TRIO: variants seen among roughly 807,000 people sequenced by gnomAD.
TRIO encodes the protein trio Rho guanine nucleotide exchange factor.
A neutral mutation model predicts 351.9 loss-of-function variants in TRIO; 58 were observed. The observed-to-expected ratio is 0.16, with a 90% CI of 0.13 to 0.21. The LOEUF (loss-of-function observed/expected upper bound fraction) is 0.21. Ranked by LOEUF, TRIO falls within the 10% of genes least tolerant of loss-of-function variation. TRIO has a pLI of 1.00. For missense variants in TRIO, 3,201 were observed against 4,027.8 expected (o/e 0.79, Z 5.56); for synonymous variants, 1,758 against 1,595.7 (o/e 1.10, Z -2.42).
At chr5:14,250,782 G>T (rs1464292539) in intron 1 of TRIO, among the ~76,000 whole-genome samples, 2 of 152,166 alleles carry the variant, frequency 1.3e-5, no homozygotes, top group African/African-American at 4.8e-5. Flanking sequence ...ATTGCATCCT[G>T]TTTGATTGAG....
At chr5:14,501,089 A>G (rs567180557) in intron 53 of TRIO, among the ~76,000 whole-genome samples, 2 of 151,812 alleles carry the variant, frequency 1.3e-5, no homozygotes, top group Non-Finnish European at 2.9e-5. Flanking sequence ...GAAAAAAAAA[A>G]CACCAAGCCC....
At chr5:14,183,984 A>G in intron 1 of TRIO, 1 of 697,962 alleles carries the variant, frequency 1.4e-6, no homozygotes, top group Non-Finnish European at 2.6e-6. Context: ...CAGACTTTAA[A>G]AAATACAGTT....
chr5:14,504,338 C>T, intron 54 of TRIO, 55 bp from the exon 55 acceptor site: 1 of 1,587,862 alleles, frequency 6.3e-7, no homozygotes, highest in Non-Finnish European at 8.6e-7. Flanking sequence ...CAGAGTCTTT[C>T]TCGGTGCCAG....
Position 14,406,576 on chromosome 5 carries a change from T to A in TRIO, c.4863T>A (p.Asp1621Glu). The stretch of plus-strand genomic sequence containing the variant: ...AAAAGTTTCTTTGCACCGCCAGGGA[T>A]GGAGAGGATCTGGACAGCCAAGGAG... ...APATRQKGRRDGEDLDSQGDG... is the reference protein window; with the variant it reads ...APATRQKGRREGEDLDSQGDG... The change falls in exon 33 of 57, where the codon GAT (aspartate) becomes GAA (glutamate). Residue 1621 changes from aspartate (D) to glutamate (E), a missense_variant. Physicochemically the swap from Asp to Glu is conservative, Grantham distance 45. Transcript: ENST00000344204. 6.2e-7 allele frequency: 1 copy of A among 1,613,908 alleles called. No individual in the cohort carries two copies.
chr5:14,315,945 T>A (rs1263036506), intron 8 of TRIO, among the ~76,000 whole-genome samples: 7 of 152,334 alleles, frequency 4.6e-5, no homozygotes, highest in African/African-American at 1.7e-4. Context: ...AATGGCATTT[T>A]AAATTTTCTT....
At chr5:14,152,579 C>G (rs932457709) in intron 1 of TRIO, among the ~76,000 whole-genome samples, 1 of 152,158 alleles carries the variant, frequency 6.6e-6, no homozygotes, top group African/African-American at 2.4e-5. Context: ...ACCATCTTGG[C>G]CAGGCTGGTC....
chr5:14,348,483 G>A (rs1742644393), intron 11 of TRIO, among the ~76,000 whole-genome samples: 1 of 152,234 alleles, frequency 6.6e-6, no homozygotes, highest in African/African-American at 2.4e-5. Flanking sequence ...GCTTGTGTGT[G>A]CGTGTGTCTG....
intron 33 of TRIO, among the ~76,000 whole-genome samples, chr5:14,413,800 A>G (rs1248510794): frequency 6.6e-6 from 1 of 152,238 alleles, no homozygotes; most frequent in Non-Finnish European, 1.5e-5. Context: ...GAAAAGTGCT[A>G]TTTAGTGTAA....
At chr5:14,200,422 A>G (rs533673822) in intron 1 of TRIO, among the ~76,000 whole-genome samples, 1 of 152,348 alleles carries the variant, frequency 6.6e-6, no homozygotes, top group Admixed American at 6.5e-5. Context: ...TGCTGATTAC[A>G]TGTTTAATTT....
At chr5:14,454,107 T>A (rs1753056816) in intron 34 of TRIO, among the ~76,000 whole-genome samples, 1 of 152,106 alleles carries the variant, frequency 6.6e-6, no homozygotes, top group Non-Finnish European at 1.5e-5. Flanking sequence ...TTTTGTAATT[T>A]TAGTAGAAAC....
At chr5:14,160,248 C>A (rs1460220617) in intron 1 of TRIO, among the ~76,000 whole-genome samples, 1 of 152,176 alleles carries the variant, frequency 6.6e-6, no homozygotes, top group Non-Finnish European at 1.5e-5. Flanking sequence ...GCAAAGGGAC[C>A]AGAGGTCTGT....
At chr5:14,293,777 A>G (rs1224488339) in intron 6 of TRIO, among the ~76,000 whole-genome samples, 1 of 152,134 alleles carries the variant, frequency 6.6e-6, no homozygotes, top group East Asian at 1.9e-4. Flanking sequence ...TTTGAGTAGC[A>G]CTTCTGTTAC....
At chr5:14,159,223 G>A (rs1349909152) in intron 1 of TRIO, among the ~76,000 whole-genome samples, 3 of 152,076 alleles carry the variant, frequency 2.0e-5, no homozygotes, top group South Asian at 2.1e-4. Context: ...TGAAGGAGGG[G>A]ATTGTGGATA....
intron 9 of TRIO, among the ~76,000 whole-genome samples, chr5:14,330,287 G>C (rs1740788778): frequency 1.3e-5 from 2 of 152,316 alleles, no homozygotes; most frequent in South Asian, 2.1e-4. Context: ...AGGCATGTAA[G>C]TGTTAGGTTT....
chr5:14,264,273 C>T (rs191961797), intron 1 of TRIO, among the ~76,000 whole-genome samples: 4 of 151,736 alleles, frequency 2.6e-5, no homozygotes, highest in Admixed American at 2.0e-4. Flanking sequence ...TTCTTTAACT[C>T]CCTTGAATTA....
chr5:14,264,252 T>C (rs1795519540), intron 1 of TRIO, among the ~76,000 whole-genome samples: 1 of 152,132 alleles, frequency 6.6e-6, no homozygotes, highest in African/African-American at 2.4e-5. Context: ...AGAACTATTT[T>C]AAGTTGAAAT....
chr5:14,495,764 C>G (rs181284834), intron 49 of TRIO, among the ~76,000 whole-genome samples: 1 of 149,732 alleles, frequency 6.7e-6, no homozygotes, highest in East Asian at 2.0e-4. Context: ...GTCAAGAGAT[C>G]GAGACCATCC....
At chr5:14,329,665 T>C (rs1404103098) in intron 9 of TRIO, among the ~76,000 whole-genome samples, 1 of 152,264 alleles carries the variant, frequency 6.6e-6, no homozygotes, top group Admixed American at 6.5e-5. Context: ...CCTTCAATAC[T>C]ATAGCTGTGC....
At chr5:14,221,889 C>T (rs140659997) in intron 1 of TRIO, among the ~76,000 whole-genome samples, 73 of 152,310 alleles carry the variant, frequency 4.8e-4, no homozygotes, top group African/African-American at 1.5e-3. Context: ...ACTCTAATTT[C>T]GAAAGAAGTT....
Sources: allele counts gnomAD v4.1 joint callset (sites outside exome capture counted in the v4.1 genomes callset), GRCh38; gene constraint gnomAD v4.1.1; transcripts MANE v1.5; gene names NCBI Gene and HGNC (gene_info 2026-07-23, HGNC 2026-07-21).